The following FRMPD3 variants were observed in gnomAD, a reference collection of about 807,000 sequenced individuals.
FRMPD3 encodes FERM and PDZ domain-containing protein 3.
FRMPD3 carries 42 observed loss-of-function variants against 97.9 expected under a neutral mutation model. The ratio of observed to expected loss-of-function variants is 0.43; its 90% confidence interval spans 0.34 to 0.55. The LOEUF (loss-of-function observed/expected upper bound fraction) is 0.55. Among genes scored for constraint, FRMPD3 ranks in the 20% least tolerant of loss-of-function variants. FRMPD3 has a pLI of 0.03. For synonymous variants in FRMPD3, 577 were observed against 581.1 expected, an observed-to-expected ratio of 0.99 and a Z score of 0.10; for missense variants, 1,303 against 1,457.7, an observed-to-expected ratio of 0.89 and a Z score of 1.73.
intron 5 of FRMPD3, among the ~76,000 whole-genome samples, chrX:107,546,390 C>T (rs1921600738): frequency 1.8e-5 from 2 of 111,943 alleles, no homozygotes; most frequent in Admixed American, 9.5e-5. Flanking sequence ...ATACCTGTTC[C>T]CTGCTACCAG....
intron 1 of FRMPD3, among the ~76,000 whole-genome samples, chrX:107,488,941 C>T (rs1483310701): frequency 2.9e-5 from 3 of 105,016 alleles, no homozygotes; most frequent in Admixed American, 2.0e-4. Flanking sequence ...CCCATTAACT[C>T]GTCATTTAGC....
chrX:107,464,424 A>G (rs111521317), intron 1 of FRMPD3, among the ~76,000 whole-genome samples: 2,907 of 110,433 alleles, frequency 0.026, 91 homozygotes, highest in African/African-American at 0.09. Context: ...TTCCACAGCT[A>G]AGCTTCTTAA....
At chrX:107,555,128 G>T (rs1018958280) in intron 8 of FRMPD3, 3 of 112,758 alleles carry the variant, frequency 2.7e-5, no homozygotes, top group Non-Finnish European at 5.6e-5. Context: ...AGTTTGTTGT[G>T]TAGAGAGATG....
intron 1 of FRMPD3, among the ~76,000 whole-genome samples, chrX:107,473,926 A>G (rs1020308729): frequency 2.7e-5 from 3 of 112,031 alleles, no homozygotes; most frequent in Non-Finnish European, 5.6e-5. Context: ...TCTACTAAAA[A>G]TACAAAAAAT....
At chrX:107,599,442 ATTT>A (rs756638757) in intron 14 of FRMPD3, among the ~76,000 whole-genome samples, 1,631 of 110,991 alleles carry the variant, frequency 0.015, 11 homozygotes, top group Non-Finnish European at 0.021. Context: ...CAGGGCTGGC[ATTT>A]CTCTTTGCTT....
At chrX:107,575,228 G>A (rs899401990) in intron 12 of FRMPD3, among the ~76,000 whole-genome samples, 1 of 111,897 alleles carries the variant, frequency 8.9e-6, no homozygotes, top group African/African-American at 3.3e-5. Flanking sequence ...GATCTTTGTG[G>A]TCTAATAAAT....
At chrX:107,477,751 C>T (rs893819747) in intron 1 of FRMPD3, among the ~76,000 whole-genome samples, 1 of 112,104 alleles carries the variant, frequency 8.9e-6, no homozygotes, top group Non-Finnish European at 1.9e-5. Context: ...CTGGGGGTTG[C>T]CCCCTGGAGA....
At chrX:107,529,752 T>C (rs1489178857) in intron 2 of FRMPD3, among the ~76,000 whole-genome samples, 3 of 111,595 alleles carry the variant, frequency 2.7e-5, no homozygotes, top group Non-Finnish European at 5.7e-5. Context: ...GACAAGTGAA[T>C]GCCTAAGTCC....
In FRMPD3 at chrX:107,597,521, G is replaced by A. The variant is rs750852072; in HGVS notation, c.1642G>A (p.Glu548Lys). The change falls in exon 14 of 15, where the codon GAG becomes AAG. Residue 548 changes from glutamate (E) to lysine (K), a missense_variant. Physicochemically the swap from Glu to Lys is moderately conservative, Grantham distance 56 (BLOSUM62 1). This residue lies in a region of FRMPD3 where 535 missense variants were observed against 618.6 expected (regional missense o/e 0.86). Coordinates refer to ENST00000683843, the MANE Select transcript of FRMPD3 (RefSeq NM_001388459.1). Reference protein sequence around the residue: ...KEQESRTDVNENLIFFEETRP... With the variant: ...KEQESRTDVNKNLIFFEETRP... ...GCAGGAAAGCCGGACAGATGTCAAC[G>A]AGAACCTAATCTTCTTTGAGGAGAC... 22 of 1,209,019 alleles carry A rather than the reference G, an allele frequency of 1.8e-5. No individual in the cohort carries two copies. Among genetic ancestry groups the A allele is most frequent in the African/African-American group, 1.0e-4 (6 of 57,163 alleles).
In FRMPD3 at chrX:107,593,889, AT is replaced by A. The variant is rs1165201482; in HGVS notation, c.1442-3423del. ...TTTTTGGTTCCATATAAATTTTAGG[AT>A]TTTTTTTTCTAGTTCTGTGAAAAAT... On this transcript the variant is annotated intron_variant, in intron 13 of 14. Coordinates refer to ENST00000683843, the MANE Select transcript of FRMPD3 (RefSeq NM_001388459.1). Among the ~76,000 whole-genome samples the A allele has an allele frequency of 7.0e-3, 767 of 109,703 alleles. 8 individuals are homozygous for A. Among genetic ancestry groups the A allele is most frequent in the African/African-American group, 0.024 (733 of 30,107 alleles).
intron 12 of FRMPD3, among the ~76,000 whole-genome samples, chrX:107,566,792 A>G (rs1436549827): frequency 8.9e-6 from 1 of 112,702 alleles, no homozygotes; most frequent in African/African-American, 3.2e-5. Flanking sequence ...TTGAGAATGC[A>G]CAGGCTTGAG....
At chrX:107,467,699 C>CCT (rs763550887) in intron 1 of FRMPD3, among the ~76,000 whole-genome samples, 5 of 108,443 alleles carry the variant, frequency 4.6e-5, no homozygotes, top group African/African-American at 1.0e-4. Flanking sequence ...AGAGTCTAGG[C>CCT]CTCTCTCTCT....
intron 4 of FRMPD3, among the ~76,000 whole-genome samples, chrX:107,533,910 A>G (rs1345508203): frequency 8.9e-6 from 1 of 112,381 alleles, no homozygotes; most frequent in African/African-American, 3.2e-5. Context: ...GATAGGTGCC[A>G]ATCTTATTCA....
At position 107,601,353 on chromosome X, in the gene FRMPD3, A is replaced by G; in HGVS notation, c.3314A>G (p.Glu1105Gly). The G allele has an allele frequency of 8.3e-7, 1 of 1,207,016 alleles. No individual in the cohort carries two copies. The highest frequency in any genetic ancestry group is 1.1e-6 in the Non-Finnish European group (1 of 893,262). ...CAGGGCACCATCTCCAGCCAAGGGG[A>G]GAAGGCGCAGCTGGAGAGCACACCC... The part of the protein sequence containing the change: ...QKQGTISSQG[E>G]KAQLESTPKR... The change falls in exon 15 of 15, where the codon GAG (glutamate) becomes GGG (glycine). Residue 1105 changes from glutamate (E) to glycine (G), a missense_variant. Physicochemically the swap from Glu to Gly is moderately conservative, Grantham distance 98 (BLOSUM62 -2). Transcript: ENST00000683843.
intron 13 of FRMPD3, among the ~76,000 whole-genome samples, chrX:107,582,243 G>C (rs949760282): frequency 9.2e-6 from 1 of 109,244 alleles, no homozygotes; most frequent in Non-Finnish European, 1.9e-5. Flanking sequence ...GAGTGCATGT[G>C]CACAATCTCA....
In FRMPD3 at chrX:107,598,228, G is replaced by A. The variant is rs992970954; in HGVS notation, c.2263+86G>A. On this transcript the variant is annotated intron_variant, in intron 14 of 14. Transcript: ENST00000683843. The stretch of plus-strand genomic sequence containing the variant: ...GGTAACATTGTGTCTTCCCAAATAG[G>A]TGTCAGAGTCACTGAGGTATGTCAG... 5.7e-5 allele frequency: 47 copies of A among 821,333 alleles called. 1 individual carries two copies. In the South Asian group the frequency reaches 7.9e-4, roughly 14 times the overall value. 67.7% of individuals were successfully genotyped at this position (821,333 alleles called of 1,213,427 possible).
intron 6 of FRMPD3, among the ~76,000 whole-genome samples, chrX:107,550,516 C>T (rs1921820496): frequency 8.9e-6 from 1 of 112,353 alleles, no homozygotes. Flanking sequence ...TACCATAACA[C>T]CTACACAAGT....
At chrX:107,592,438 G>T (rs1923951842) in intron 13 of FRMPD3, among the ~76,000 whole-genome samples, 1 of 111,583 alleles carries the variant, frequency 9.0e-6, no homozygotes, top group South Asian at 3.7e-4. Context: ...AGGCTGGAGT[G>T]AAGTGGTGCA....
At chrX:107,554,035 G>A (rs1921975268) in intron 7 of FRMPD3, among the ~76,000 whole-genome samples, 1 of 111,373 alleles carries the variant, frequency 9.0e-6, no homozygotes, top group African/African-American at 3.3e-5. Flanking sequence ...CCCTCTGTAA[G>A]GTAAAGGCAT....
Sources: gnomAD v4.1 joint callset for allele counts (sites outside exome capture counted in the v4.1 genomes callset) on GRCh38, gnomAD v4.1.1 for gene constraint, gnomAD v4.1.1 regional missense constraint, MANE v1.5 for transcripts, NCBI Gene and HGNC (gene_info 2026-07-23, HGNC 2026-07-21) for gene names.